SERPINI1: variants seen among roughly 807,000 people sequenced by gnomAD.
SERPINI1 encodes the protein neuroserpin.
Under a neutral mutation model 41.1 loss-of-function variants are expected in SERPINI1, and 19 were observed. The ratio of observed to expected loss-of-function variants is 0.46; its 90% CI spans 0.32 to 0.68. The LOEUF is 0.68. Ranked by LOEUF, SERPINI1 falls within the 30% of genes least tolerant of loss-of-function variation. The pLI, the probability that SERPINI1 is intolerant of heterozygous loss-of-function variation, is 0.03. For missense variants in SERPINI1, 460 were observed against 479.2 expected, an observed-to-expected ratio of 0.96 and a Z score of 0.37; for synonymous variants, 138 against 156.6, an observed-to-expected ratio of 0.88 and a Z score of 0.89.
chr3:167,776,010 G>A (rs1726960527), intron 1 of SERPINI1, among the ~76,000 whole-genome samples: 1 of 152,146 alleles, frequency 6.6e-6, no homozygotes, highest in Non-Finnish European at 1.5e-5. Flanking sequence ...ATGGGGGGAG[G>A]CCTTACCAGG....
At chr3:167,755,063 A>G (rs1025373947) in intron 1 of SERPINI1, among the ~76,000 whole-genome samples, 3 of 152,128 alleles carry the variant, frequency 2.0e-5, no homozygotes, top group African/African-American at 7.2e-5. Context: ...AACAAATCCC[A>G]TTCCTTCTTG....
intron 5 of SERPINI1, among the ~76,000 whole-genome samples, chr3:167,799,672 A>G (rs1448131132): frequency 6.6e-6 from 1 of 152,172 alleles, no homozygotes; most frequent in East Asian, 1.9e-4. Context: ...GTGTAAAAGC[A>G]TTACTATTTC....
At chr3:167,795,991 T>G (rs1437405767) in intron 5 of SERPINI1, among the ~76,000 whole-genome samples, 3 of 152,106 alleles carry the variant, frequency 2.0e-5, no homozygotes. Flanking sequence ...CATTCCATAT[T>G]AAGAAAATTG....
intron 5 of SERPINI1, 156 bp from the exon 6 acceptor site, chr3:167,807,088 A>G: frequency 3.2e-6 from 2 of 618,668 alleles, no homozygotes; most frequent in Non-Finnish European, 5.8e-6. Flanking sequence ...CTATTTTTCC[A>G]TGTTCAATCA....
In SERPINI1 at chr3:167,775,220, G is replaced by A. The variant is rs778664775; in HGVS notation, c.-18-13891G>A. ...CCAGCCCTTCAGGGTACAACGAAGT[G>A]TCACTTTATTATTATTATTATTATT... On this transcript the variant is annotated intron_variant, in intron 1 of 8. Coordinates refer to ENST00000446050, the MANE Select transcript of SERPINI1 (RefSeq NM_001122752.2). Among the ~76,000 whole-genome samples the A allele has an allele frequency of 1.3e-3, 184 of 138,662 alleles. 1 individual carries two copies. Among genetic ancestry groups the A allele is most frequent in the Non-Finnish European group, 2.1e-3 (137 of 65,018 alleles). 91.0% of individuals were successfully genotyped at this position (138,662 alleles called of 152,430 possible).
At chr3:167,811,049 G>A (rs899150260) in intron 6 of SERPINI1, among the ~76,000 whole-genome samples, 8 of 151,952 alleles carry the variant, frequency 5.3e-5, no homozygotes, top group Non-Finnish European at 1.5e-5. Context: ...TTCTCTTGCT[G>A]TTTCTACCAC....
At chr3:167,759,309 C>A (rs570559897) in intron 1 of SERPINI1, among the ~76,000 whole-genome samples, 1 of 151,102 alleles carries the variant, frequency 6.6e-6, no homozygotes, top group South Asian at 2.1e-4. Flanking sequence ...CAAAAAGACA[C>A]CTTACTCATA....
intron 5 of SERPINI1, among the ~76,000 whole-genome samples, chr3:167,796,341 T>C (rs1213077891): frequency 1.3e-5 from 2 of 151,866 alleles, no homozygotes; most frequent in African/African-American, 4.8e-5. Flanking sequence ...GCCATATATT[T>C]TCTATTTTTT....
chr3:167,769,085 C>T (rs1726657935), intron 1 of SERPINI1, among the ~76,000 whole-genome samples: 1 of 152,104 alleles, frequency 6.6e-6, no homozygotes, highest in East Asian at 1.9e-4. Flanking sequence ...CCTCTGCCTC[C>T]CAGGTTCAGA....
chr3:167,805,952 C>T (rs965757595), intron 5 of SERPINI1, among the ~76,000 whole-genome samples: 5 of 151,968 alleles, frequency 3.3e-5, no homozygotes, highest in Non-Finnish European at 5.9e-5. Context: ...TACCATTTGA[C>T]CCAGCAATCC....
chr3:167,775,627 T>C (rs1285538572), intron 1 of SERPINI1, among the ~76,000 whole-genome samples: 4 of 152,260 alleles, frequency 2.6e-5, no homozygotes, highest in African/African-American at 9.6e-5. Context: ...AATAAAAAAT[T>C]AGAAACTGTA....
intron 1 of SERPINI1, among the ~76,000 whole-genome samples, chr3:167,784,412 G>A (rs1172086172): frequency 6.6e-6 from 1 of 152,200 alleles, no homozygotes; most frequent in Non-Finnish European, 1.5e-5. Flanking sequence ...AGTCTTGGCT[G>A]AATGAATGGC....
intron 1 of SERPINI1, among the ~76,000 whole-genome samples, chr3:167,737,795 A>C (rs914601982): frequency 6.6e-6 from 1 of 152,152 alleles, no homozygotes; most frequent in East Asian, 1.9e-4. Flanking sequence ...TATACTTTGA[A>C]TCTCAGCTCT....
At chr3:167,822,810 G>A (rs1712382384) in intron 6 of SERPINI1, 176 bp from the exon 7 acceptor site, 1 of 540,842 alleles carries the variant, frequency 1.8e-6, no homozygotes. Context: ...TAAAATGAGG[G>A]CAAATTAAAA....
chr3:167,794,842 C>A lies in SERPINI1; in HGVS notation c.881+18C>A. ...CTGCCCAGGTATGAGGTTCCTGTGTCACCCGTCCCACAGCATGGACGATGG... is the reference window on the plus strand; with the variant it reads ...CTGCCCAGGTATGAGGTTCCTGTGTAACCCGTCCCACAGCATGGACGATGG... On this transcript the variant is annotated intron_variant, in intron 5 of 8. Transcript: ENST00000446050. 6.2e-7 allele frequency: 1 copy of A among 1,601,406 alleles called. No homozygotes were observed. Among genetic ancestry groups the A allele is most frequent in the South Asian group, 1.1e-5 (1 of 90,668 alleles).
intron 5 of SERPINI1, among the ~76,000 whole-genome samples, chr3:167,795,999 T>G (rs893310869): frequency 6.6e-6 from 1 of 152,060 alleles, no homozygotes; most frequent in African/African-American, 2.4e-5. Flanking sequence ...ATTAAGAAAA[T>G]TGTTCAAGTA....
chr3:167,749,111 A>G (rs915516413), intron 1 of SERPINI1, among the ~76,000 whole-genome samples: 2 of 152,238 alleles, frequency 1.3e-5, no homozygotes, highest in Admixed American at 1.3e-4. Context: ...TCACTGAGAT[A>G]TTGATATATC....
At chr3:167,780,376 T>G (rs184521296) in intron 1 of SERPINI1, among the ~76,000 whole-genome samples, 1 of 152,290 alleles carries the variant, frequency 6.6e-6, no homozygotes, top group Non-Finnish European at 1.5e-5. Context: ...ACAGCTAATT[T>G]TGAAAGTTGT....
Position 167,782,774 on chromosome 3 carries a change from C to A in SERPINI1, c.-18-6337C>A, listed in dbSNP as rs571971282. Among the ~76,000 whole-genome samples, 7 of 152,074 alleles carry A rather than the reference C, an allele frequency of 4.6e-5. No homozygotes were observed. In the East Asian group the frequency reaches 1.4e-3, roughly 29 times the overall value. On this transcript the variant is annotated intron_variant, in intron 1 of 8. Coordinates refer to ENST00000446050, the MANE Select transcript of SERPINI1 (RefSeq NM_001122752.2). ...ACCAAGCGGGTATTCATGAAGGAGA[C>A]GAAAATAGAACAGAACCTTGAGAAG... is the stretch of plus-strand genomic sequence containing the variant.
Sources: allele counts gnomAD v4.1 joint callset (sites outside exome capture counted in the v4.1 genomes callset), GRCh38; gene constraint gnomAD v4.1.1; transcripts MANE v1.5; gene names NCBI Gene and HGNC (gene_info 2026-07-23, HGNC 2026-07-21).